PHACTR3: variants seen among roughly 807,000 people sequenced by gnomAD.
PHACTR3 encodes phosphatase and actin regulator 3.
Under a neutral mutation model 66.8 loss-of-function variants are expected in PHACTR3, and 16 were observed. The ratio of observed to expected loss-of-function variants is 0.24; its 90% CI spans 0.16 to 0.36. The LOEUF (loss-of-function observed/expected upper bound fraction) is 0.36. Among genes scored for constraint, PHACTR3 ranks in the 10% least tolerant of loss-of-function variants. The pLI is 1.00. For missense variants in PHACTR3, 647 were observed against 719.9 expected (o/e 0.90, Z 1.16); for synonymous variants, 323 against 292.1 (o/e 1.11, Z -1.08).
At chr20:59,596,918 TC>T (rs2033341646) in intron 1 of PHACTR3, among the ~76,000 whole-genome samples, 1 of 152,212 alleles carries the variant, frequency 6.6e-6, no homozygotes, top group South Asian at 2.1e-4. Context: ...CTACTACCTC[TC>T]CATGCTGTGA....
rs368740412 is a variant in PHACTR3, at chr20:59,829,654, G to A, written c.1329-6851G>A. Reference sequence around the variant, plus strand: ...AGGCGGGGGCCGCCAGCTTTTCTCAGTGACTCAAGGCGGCTGTGGGGCAGG... The same window carrying A: ...AGGCGGGGGCCGCCAGCTTTTCTCAATGACTCAAGGCGGCTGTGGGGCAGG... On this transcript the variant is annotated intron_variant, in intron 8 of 12. Coordinates refer to ENST00000371015, the MANE Select transcript of PHACTR3 (RefSeq NM_080672.5). The surrounding 1 kb of genome is among the most constrained non-coding windows in gnomAD (Gnocchi z 4.2). Among the ~76,000 whole-genome samples the A allele has an allele frequency of 2.0e-4, 31 of 152,368 alleles. No homozygotes were observed. Among genetic ancestry groups the A allele is most frequent in the African/African-American group, 7.0e-4 (29 of 41,584 alleles).
At chr20:59,655,958 T>C (rs367626308) in intron 1 of PHACTR3, among the ~76,000 whole-genome samples, 108 of 151,946 alleles carry the variant, frequency 7.1e-4, no homozygotes, top group African/African-American at 2.4e-3. Context: ...ATCCCCTAAG[T>C]TTCTTTCTGT....
At chr20:59,725,444 C>T (rs974882815) in intron 1 of PHACTR3, among the ~76,000 whole-genome samples, 4 of 151,908 alleles carry the variant, frequency 2.6e-5, no homozygotes, top group African/African-American at 4.8e-5. Flanking sequence ...GGCTGTGTGC[C>T]TTATTGAGGC....
At chr20:59,636,697 T>C (rs971545956) in intron 1 of PHACTR3, among the ~76,000 whole-genome samples, 1 of 152,204 alleles carries the variant, frequency 6.6e-6, no homozygotes, top group Non-Finnish European at 1.5e-5. Flanking sequence ...AATGGAGATG[T>C]GTATGAAGGC....
chr20:59,803,661 T>C (rs931609924), intron 7 of PHACTR3, among the ~76,000 whole-genome samples: 1 of 152,218 alleles, frequency 6.6e-6, no homozygotes, highest in Non-Finnish European at 1.5e-5. Context: ...CCATTTTTAA[T>C]AGGTACACAA....
intron 3 of PHACTR3, among the ~76,000 whole-genome samples, chr20:59,749,204 C>T (rs1046797128): frequency 1.3e-5 from 2 of 152,066 alleles, no homozygotes; most frequent in African/African-American, 4.8e-5. Flanking sequence ...TGTCAAACTC[C>T]GGCATTTTGA....
chr20:59,629,708 C>T (rs547247402), intron 1 of PHACTR3, among the ~76,000 whole-genome samples: 3 of 152,348 alleles, frequency 2.0e-5, no homozygotes, highest in African/African-American at 4.8e-5. Flanking sequence ...ACGGTTGCCT[C>T]TCTGGAATTG....
intron 3 of PHACTR3, among the ~76,000 whole-genome samples, chr20:59,750,606 T>C (rs2039543348): frequency 6.6e-6 from 1 of 152,134 alleles, no homozygotes; most frequent in African/African-American, 2.4e-5. Context: ...CCGTCTTCCC[T>C]GCCCACACAC....
At chr20:59,741,938 T>G (rs1254979855) in intron 1 of PHACTR3, among the ~76,000 whole-genome samples, 1 of 152,154 alleles carries the variant, frequency 6.6e-6, no homozygotes, top group African/African-American at 2.4e-5. Flanking sequence ...AATTTTTGTA[T>G]TTTTAGTAGA....
chr20:59,758,612 CT>C (rs1202651435), intron 4 of PHACTR3, among the ~76,000 whole-genome samples: 1 of 152,156 alleles, frequency 6.6e-6, no homozygotes, highest in Non-Finnish European at 1.5e-5. Context: ...GGAGCGTGCT[CT>C]ACTAATGACT....
At chr20:59,610,151 G>A (rs1460171544) in intron 1 of PHACTR3, among the ~76,000 whole-genome samples, 5 of 152,278 alleles carry the variant, frequency 3.3e-5, no homozygotes, top group East Asian at 1.9e-4. Flanking sequence ...GCTACTTGGG[G>A]GGCTGAGCCG....
chr20:59,713,136 G>C (rs11699701), intron 1 of PHACTR3, among the ~76,000 whole-genome samples: 1 of 152,154 alleles, frequency 6.6e-6, no homozygotes, highest in Non-Finnish European at 1.5e-5. Context: ...CAGCTCTCCT[G>C]GGTGCCTGTT....
At chr20:59,835,456 A>G (rs1364359078) in intron 8 of PHACTR3, among the ~76,000 whole-genome samples, 1 of 152,156 alleles carries the variant, frequency 6.6e-6, no homozygotes, top group African/African-American at 2.4e-5. Context: ...AGGATTATAA[A>G]TAGGAGATAA....
chr20:59,688,184 CA>C (rs2036969901), intron 1 of PHACTR3, among the ~76,000 whole-genome samples: 1 of 152,096 alleles, frequency 6.6e-6, no homozygotes, highest in Non-Finnish European at 1.5e-5. Context: ...AATTTAGGTG[CA>C]AAAAGTGAGT....
In PHACTR3 at chr20:59,635,768, C is replaced by T. The variant is rs564769998; in HGVS notation, c.118+30636C>T. On this transcript the variant is annotated intron_variant, in intron 1 of 12. Transcript: ENST00000371015. ...GTCATAATGTCTGCATGGGGTGTGC[C>T]CCCACTTTTCTGCTGGGACAGGGAC... 1.2e-3 allele frequency among the ~76,000 whole-genome samples: 179 copies of T among 152,182 alleles called. 1 individual carries two copies. Among genetic ancestry groups the T allele is most frequent in the African/African-American group, 4.2e-3 (173 of 41,528 alleles).
Position 59,755,316 on chromosome 20 carries a change from G to C in PHACTR3, c.493G>C (p.Val165Leu), listed in dbSNP as rs747940214. ...CCCCTTGGCCACTGGGACGGACCAG[G>C]TCTCCCTGGACAAGCCACTGTCCTC... ...GSPLATGTDQ[V>L]SLDKPLSSAA... is the part of the protein sequence containing the mutation. Residue 165 changes from valine to leucine, a missense_variant, in exon 4 of 13, where the codon GTC becomes CTC. Val to Leu is a conservative substitution (Grantham distance 32). Around this residue, in one of 2 missense-constraint regions of PHACTR3, gnomAD observed 577 missense variants for 571.1 expected, o/e 1.01. Coordinates refer to ENST00000371015, the MANE Select transcript of PHACTR3 (RefSeq NM_080672.5). 6.2e-7 allele frequency: 1 copy of C among 1,612,536 alleles called. No individual in the cohort carries two copies. Among genetic ancestry groups the C allele is most frequent in the East Asian group, 2.2e-5 (1 of 44,844 alleles).
In PHACTR3 at chr20:59,747,774, G is replaced by T; in HGVS notation, c.297G>T (p.Met99Ile). Residue 99 changes from methionine to isoleucine, a missense_variant, in exon 3 of 13, where the codon ATG becomes ATT. Physicochemically the swap from Met to Ile is conservative, Grantham distance 10 (BLOSUM62 1). Transcript: ENST00000371015. Reference protein sequence around the residue: ...KQTTSALEKKMAGRQGREELI... With the variant: ...KQTTSALEKKIAGRQGREELI... ...GTTGGGCAGCGCTGGAGAAGAAGAT[G>T]GCCGGCAGGCAAGGCCGAGAGGAGC... The T allele has an allele frequency of 6.2e-7, 1 of 1,614,032 alleles. No individual in the cohort carries two copies. The highest frequency in any genetic ancestry group is 8.5e-7 in the Non-Finnish European group (1 of 1,179,968).
At chr20:59,705,668 G>A (rs2037674639) in intron 1 of PHACTR3, among the ~76,000 whole-genome samples, 1 of 152,136 alleles carries the variant, frequency 6.6e-6, no homozygotes, top group Non-Finnish European at 1.5e-5. Flanking sequence ...ATGTTCCCAT[G>A]GGGCTCATAG....
chr20:59,769,750 A>C (rs578007979), intron 5 of PHACTR3, among the ~76,000 whole-genome samples: 1 of 152,350 alleles, frequency 6.6e-6, no homozygotes, highest in African/African-American at 2.4e-5. Context: ...GGATGGATGA[A>C]TGAATGAGTG....
Sources: gnomAD v4.1 joint callset for allele counts (sites outside exome capture counted in the v4.1 genomes callset) on GRCh38, gnomAD v4.1.1 for gene constraint, gnomAD v4.1.1 regional missense constraint, Gnocchi (gnomAD v3.1) non-coding constraint, MANE v1.5 for transcripts, NCBI Gene and HGNC (gene_info 2026-07-23, HGNC 2026-07-21) for gene names.